Variants in C3orf70 observed in about 807,000 individuals in gnomAD.
C3orf70 encodes chromosome 3 open reading frame 70, also known as UPF0524 protein C3orf70.
C3orf70 carries 15 observed loss-of-function variants against 20.7 expected under a neutral mutation model. The observed-to-expected ratio is 0.72, with a 90% CI of 0.48 to 1.11. C3orf70 has a LOEUF of 1.11. Ranked by LOEUF, C3orf70 falls within the 50% of genes most tolerant of loss-of-function variation. The probability of loss-of-function intolerance (pLI) is 0.00; values close to 1 mark genes in which losing one functional copy is unlikely to be tolerated. For missense variants in C3orf70, 332 were observed against 317.6 expected (o/e 1.05, Z -0.34); for synonymous variants, 161 against 125.7 (o/e 1.28, Z -1.88).
rs543801657 is a variant in C3orf70, at chr3:185,081,622, T to C, written c.*1385A>G. 3.9e-5 allele frequency: 6 copies of C among 152,456 alleles called. No individual in the cohort carries two copies. The highest frequency in any genetic ancestry group is 1.9e-4 in the East Asian group (1 of 5,180). 9.4% of individuals were successfully genotyped at this position (152,456 alleles called of 1,614,324 possible). ...CTCATGGATAGAAGGTTTGGAGAAA[T>C]AGCAGTTAACTGACTCACAAGAATA... On this transcript the variant is annotated 3_prime_UTR_variant, in exon 2 of 2. Coordinates refer to ENST00000335012, the MANE Select transcript of C3orf70 (RefSeq NM_001025266.3).
intron 1 of C3orf70, among the ~76,000 whole-genome samples, chr3:185,143,844 C>A (rs1319430150): frequency 2.0e-5 from 3 of 152,036 alleles, no homozygotes; most frequent in Admixed American, 2.0e-4. Context: ...AACTTGTTAA[C>A]CCATGTGTGA....
Position 185,083,376 on chromosome 3 carries a change from G to A in C3orf70, c.384C>T (p.Asp128=). 6.2e-7 allele frequency: 1 copy of A among 1,614,146 alleles called. No individual in the cohort carries two copies. The highest frequency in any genetic ancestry group is 1.1e-5 in the South Asian group (1 of 91,068). ...PDSPRYCMIS[D]LFIDNYQVKC... is the part of the protein sequence containing the mutation. ...TAACCTGATAGTTGTCAATAAAAAG[G>A]TCTGAAATCATACAGTACCTCGGTG... The change falls in exon 2 of 2, where the codon GAC becomes GAT. Residue 128 remains aspartate (D), a synonymous_variant. Coordinates refer to ENST00000335012, the MANE Select transcript of C3orf70 (RefSeq NM_001025266.3).
Position 185,078,505 on chromosome 3 carries a change from A to G in C3orf70, c.*4502T>C, listed in dbSNP as rs1316622818. The stretch of plus-strand genomic sequence containing the variant: ...CAAAATTAATGTTGAGAAGTGCCCT[A>G]TTTCTGTGTTGATGTGAGAGACACT... On this transcript the variant is annotated 3_prime_UTR_variant, in exon 2 of 2. Coordinates refer to ENST00000335012, the MANE Select transcript of C3orf70 (RefSeq NM_001025266.3). 1.3e-5 allele frequency: 2 copies of G among 152,200 alleles called. No homozygotes were observed. Among genetic ancestry groups the G allele is most frequent in the Non-Finnish European group, 2.9e-5 (2 of 68,028 alleles). 9.4% of individuals were successfully genotyped at this position (152,200 alleles called of 1,614,324 possible).
chr3:185,148,344 G>T (rs543120053), intron 1 of C3orf70, among the ~76,000 whole-genome samples: 4 of 152,184 alleles, frequency 2.6e-5, no homozygotes, highest in Non-Finnish European at 5.9e-5. Context: ...CCCAATCCTA[G>T]TTACTCAGTA....
At position 185,083,180 on chromosome 3, in the gene C3orf70, C is replaced by T. The variant is rs1366516542; in HGVS notation, c.580G>A (p.Ala194Thr). ...PSSSEDSGINAIGAHYVESCD... is the reference protein window; with the variant it reads ...PSSSEDSGINTIGAHYVESCD... ...GATTCCACATAGTGAGCCCCAATCG[C>T]ATTGATCCCAGAGTCCTCAGAACTT... The change falls in exon 2 of 2, where the codon GCG becomes ACG. Residue 194 changes from alanine to threonine, a missense_variant. Transcript: ENST00000335012. 2 of 1,614,086 alleles carry T rather than the reference C, an allele frequency of 1.2e-6. No individual in the cohort carries two copies. Among genetic ancestry groups the T allele is most frequent in the African/African-American group, 2.7e-5 (2 of 74,906 alleles).
intron 1 of C3orf70, among the ~76,000 whole-genome samples, chr3:185,141,926 C>T (rs1387968047): frequency 2.0e-5 from 3 of 152,000 alleles, no homozygotes; most frequent in Non-Finnish European, 4.4e-5. Context: ...GGTTTCCATA[C>T]CATTTCTCAT....
rs763742130 is a variant in C3orf70 at position 185,083,092 on chromosome 3, C to T, written c.668G>A (p.Ser223Asn). Residue 223 changes from serine to asparagine, a missense_variant, in exon 2 of 2, where the codon AGC becomes AAC. Ser to Asn is a conservative substitution (Grantham distance 46, BLOSUM62 1). Coordinates refer to ENST00000335012, the MANE Select transcript of C3orf70 (RefSeq NM_001025266.3). ...GGTGCACTCATCCGGTTCCCAGCTG[C>T]TCTCTGGACTGTAATCTTCCTCTGA... ...LSSEEDYSPE[S>N]SWEPDECTLL... 2 of 1,614,198 alleles carry T rather than the reference C, an allele frequency of 1.2e-6. No homozygotes were observed. The highest frequency in any genetic ancestry group is 1.7e-6 in the Non-Finnish European group (2 of 1,180,028).
intron 1 of C3orf70, among the ~76,000 whole-genome samples, chr3:185,149,974 T>C (rs1452933283): frequency 6.6e-6 from 1 of 152,242 alleles, no homozygotes; most frequent in African/African-American, 2.4e-5. Context: ...TAACCATTTG[T>C]GGAATCAACC....
intron 1 of C3orf70, among the ~76,000 whole-genome samples, chr3:185,137,257 AG>A (rs1716648174): frequency 6.6e-6 from 1 of 152,188 alleles, no homozygotes; most frequent in Non-Finnish European, 1.5e-5. Flanking sequence ...CATGATTGTG[AG>A]GCTTCCCAGC....
intron 1 of C3orf70, among the ~76,000 whole-genome samples, chr3:185,126,138 T>A (rs1716405711): frequency 6.6e-6 from 1 of 152,212 alleles, no homozygotes; most frequent in Admixed American, 6.5e-5. Flanking sequence ...GTAAAAATGA[T>A]AAATCGCTAA....
intron 1 of C3orf70, among the ~76,000 whole-genome samples, chr3:185,110,100 T>C (rs1716039076): frequency 6.6e-6 from 1 of 152,186 alleles, no homozygotes; most frequent in African/African-American, 2.4e-5. Context: ...CATGGTGGTA[T>C]AGTGGCACCT....
chr3:185,094,224 T>C (rs1026477585), intron 1 of C3orf70, among the ~76,000 whole-genome samples: 20 of 151,906 alleles, frequency 1.3e-4, no homozygotes, highest in Middle Eastern at 3.4e-3. Flanking sequence ...ATTACAGGCA[T>C]GAGCCACCAC....
chr3:185,095,217 CT>C (rs1397270481), intron 1 of C3orf70, among the ~76,000 whole-genome samples: 16 of 152,312 alleles, frequency 1.1e-4, no homozygotes, highest in African/African-American at 3.6e-4. Context: ...GCAAAAATCA[CT>C]AGTGCGTGGG....
At chr3:185,120,021 CAAA>C (rs375867678) in intron 1 of C3orf70, among the ~76,000 whole-genome samples, 1 of 87,206 alleles carries the variant, frequency 1.1e-5, no homozygotes, top group Non-Finnish European at 2.1e-5. Flanking sequence ...GACTCTGTCT[CAAA>C]AAAAAAAAAA....
At chr3:185,103,592 A>C (rs1193976765) in intron 1 of C3orf70, among the ~76,000 whole-genome samples, 2 of 152,222 alleles carry the variant, frequency 1.3e-5, no homozygotes, top group Admixed American at 1.3e-4. Context: ...TATGAAAAAA[A>C]GCTCAACATC....
At position 185,115,874 on chromosome 3, in the gene C3orf70, G is replaced by A. The variant is rs368857429; in HGVS notation, c.197-32311C>T. 2.6e-3 allele frequency among the ~76,000 whole-genome samples: 395 copies of A among 152,206 alleles called. 2 individuals are homozygous for A. The highest frequency in any genetic ancestry group is 9.1e-3 in the African/African-American group (380 of 41,550). On this transcript the variant is annotated intron_variant, in intron 1 of 1. Coordinates refer to ENST00000335012, the MANE Select transcript of C3orf70 (RefSeq NM_001025266.3). ...AGATCCCTGGAGTCACTTTCATAAC[G>A]GCACTAATCCCATTCATGAGGACTC...
At chr3:185,122,554 A>G (rs1405780096) in intron 1 of C3orf70, among the ~76,000 whole-genome samples, 2 of 152,234 alleles carry the variant, frequency 1.3e-5, no homozygotes, top group Non-Finnish European at 2.9e-5. Flanking sequence ...GAAATTAAGT[A>G]TGGTTTAAGG....
chr3:185,137,205 G>A lies in C3orf70; in HGVS notation c.196+15423C>T, dbSNP rs950825328. Among the ~76,000 whole-genome samples, 6 of 152,122 alleles carry A rather than the reference G, an allele frequency of 3.9e-5. No homozygotes were observed. In the East Asian group the frequency reaches 5.8e-4, roughly 15 times the overall value. ...ACAAGCGCTCCTCTCGTTGTCCACC[G>A]CCATCCACGTAAGATGTGACTTGTG... On this transcript the variant is annotated intron_variant, in intron 1 of 1. Transcript: ENST00000335012.
At chr3:185,086,706 A>G (rs969581379) in intron 1 of C3orf70, among the ~76,000 whole-genome samples, 7 of 152,174 alleles carry the variant, frequency 4.6e-5, no homozygotes, top group African/African-American at 1.7e-4. Flanking sequence ...GAAGATGTGA[A>G]CCAGATTCCA....
Sources: gnomAD v4.1 joint callset for allele counts (sites outside exome capture counted in the v4.1 genomes callset) on GRCh38, gnomAD v4.1.1 for gene constraint, MANE v1.5 for transcripts, NCBI Gene and HGNC (gene_info 2026-07-23, HGNC 2026-07-21) for gene names.